The following ALDH7A1 variants were observed in gnomAD, a reference collection of about 807,000 sequenced individuals.
The protein encoded by ALDH7A1 is aldehyde dehydrogenase 7 family member A1.
ALDH7A1 carries 63 observed loss-of-function variants against 79.9 expected under a neutral mutation model. The observed-to-expected ratio is 0.79, with a 90% CI of 0.64 to 0.97. The LOEUF (loss-of-function observed/expected upper bound fraction) is 0.97, where lower values mean the gene tolerates loss of function less well. Ranked by LOEUF, ALDH7A1 falls within the 50% of genes least tolerant of loss-of-function variation. The pLI, the probability that ALDH7A1 is intolerant of heterozygous loss-of-function variation, is 0.00. For synonymous variants in ALDH7A1, 240 were observed against 231.2 expected, an observed-to-expected ratio of 1.04 and a Z score of -0.34; for missense variants, 627 against 665.2, an observed-to-expected ratio of 0.94 and a Z score of 0.63.
At position 126,570,899 on chromosome 5, in the gene ALDH7A1, G is replaced by T; in HGVS notation, c.696-40C>A. On this transcript the variant is annotated intron_variant, in intron 7 of 17. Coordinates refer to ENST00000409134, the MANE Select transcript of ALDH7A1 (RefSeq NM_001182.5). ...GCAATTACTGAGGCAATAATTTAAG[G>T]CATTTTTTTAAAAACAAGGAATAAA... is the stretch of plus-strand genomic sequence containing the variant. 1.9e-6 allele frequency: 3 copies of T among 1,591,612 alleles called. No homozygotes were observed. The East Asian group carries it at 6.7e-5, about 36-fold the overall frequency.
chr5:126,585,594 C>T (rs961083000), intron 3 of ALDH7A1, among the ~76,000 whole-genome samples: 1 of 152,180 alleles, frequency 6.6e-6, no homozygotes, highest in African/African-American at 2.4e-5. Flanking sequence ...GGGTCTCGCT[C>T]TGTCACGCCC....
chr5:126,565,349 C>T (rs1248153127), intron 9 of ALDH7A1, among the ~76,000 whole-genome samples: 2 of 143,188 alleles, frequency 1.4e-5, no homozygotes, highest in African/African-American at 5.1e-5. Flanking sequence ...GCCAGGATCT[C>T]CCCACTGCAC....
chr5:126,584,075 A>T (rs1017847935), intron 3 of ALDH7A1, 63 bp from the exon 4 acceptor site: 6 of 1,298,326 alleles, frequency 4.6e-6, no homozygotes, highest in Non-Finnish European at 6.7e-6. Context: ...ATAACACAGT[A>T]TTGGATGTGT....
rs1254578310 is a variant in ALDH7A1 at position 126,576,989 on chromosome 5, AT to A, written c.650+89del. 3.9e-6 allele frequency: 6 copies of A among 1,545,918 alleles called. No individual in the cohort carries two copies. The African/African-American group carries it at 6.8e-5, about 18-fold the overall frequency. On this transcript the variant is annotated intron_variant, in intron 6 of 17. Coordinates refer to ENST00000409134, the MANE Select transcript of ALDH7A1 (RefSeq NM_001182.5). ...CCAGGTGTGGTGATGCACACTTATAATCCCAGTTACTGAAGAGGCTGAGGTA... is the reference window on the plus strand; with the variant it reads ...CCAGGTGTGGTGATGCACACTTATAACCCAGTTACTGAAGAGGCTGAGGTA...
Position 126,595,055 on chromosome 5 carries a change from G to T in ALDH7A1, c.144C>A (p.Arg48=). 1 of 1,609,856 alleles carries T rather than the reference G, an allele frequency of 6.2e-7. No homozygotes were observed. Among genetic ancestry groups the T allele is most frequent in the Non-Finnish European group, 8.5e-7 (1 of 1,178,350 alleles). ...CATTATACACGCCCTCGTTTTCCTC[G>T]CGGAGCCCCAGCTCTTTCAGCCACG... The part of the protein sequence containing the change: ...QYAWLKELGL[R]EENEGVYNGS... The change falls in exon 1 of 18, where the codon CGC becomes CGA. Residue 48 remains arginine, a synonymous_variant. Transcript: ENST00000409134.
chr5:126,575,392 C>A, intron 7 of ALDH7A1, 28 bp downstream of exon 7: 1 of 1,607,150 alleles, frequency 6.2e-7, no homozygotes, highest in Non-Finnish European at 8.5e-7. Context: ...ATTCCATACC[C>A]AGGAAAAAGA....
At chr5:126,551,120 G>T (rs559713747) in intron 14 of ALDH7A1, among the ~76,000 whole-genome samples, 1 of 152,182 alleles carries the variant, frequency 6.6e-6, no homozygotes, top group East Asian at 1.9e-4. Context: ...TACAGACAAG[G>T]TCTCACTGTG....
chr5:126,548,502 C>G (rs1459590250), intron 16 of ALDH7A1, among the ~76,000 whole-genome samples: 1 of 151,526 alleles, frequency 6.6e-6, no homozygotes, highest in Non-Finnish European at 1.5e-5. Flanking sequence ...TCTTGGCTCA[C>G]TGCAACCTCT....
At position 126,544,847 on chromosome 5, in the gene ALDH7A1, T is replaced by C; in HGVS notation, c.*118A>G. 1.3e-6 allele frequency: 1 copy of C among 796,304 alleles called. No homozygotes were observed. Among genetic ancestry groups the C allele is most frequent in the East Asian group, 2.6e-5 (1 of 37,746 alleles). 49.3% of individuals were successfully genotyped at this position (796,304 alleles called of 1,614,324 possible). On this transcript the variant is annotated 3_prime_UTR_variant, in exon 18 of 18. Transcript: ENST00000409134. ...CAGGGCTTTGGGGTCATAGGGGGAT[T>C]AGTCACTGTCACAGTCATAATAATG...
At chr5:126,559,077 ACATCTGC>A (rs1750302672) in intron 11 of ALDH7A1, among the ~76,000 whole-genome samples, 156 bp downstream of exon 11, 1 of 152,244 alleles carries the variant, frequency 6.6e-6, no homozygotes, top group Non-Finnish European at 1.5e-5. Context: ...ATGATTAACA[ACATCTGC>A]CATGAGCACA....
intron 7 of ALDH7A1, among the ~76,000 whole-genome samples, chr5:126,574,127 G>A (rs1467972906): frequency 6.6e-6 from 1 of 152,026 alleles, no homozygotes; most frequent in African/African-American, 2.4e-5. Flanking sequence ...TTCTAGGCTG[G>A]GCACAGTGGC....
chr5:126,564,635 T>C (rs545566880), intron 9 of ALDH7A1: 1 of 1,136,814 alleles, frequency 8.8e-7, no homozygotes, highest in African/African-American at 1.6e-5. Flanking sequence ...TATGAAGACA[T>C]GGCTGTTACT....
At chr5:126,545,588 C>T in intron 17 of ALDH7A1, among the ~76,000 whole-genome samples, 1 of 143,762 alleles carries the variant, frequency 7.0e-6, no homozygotes, top group South Asian at 2.3e-4. Flanking sequence ...GAGTTCAAGA[C>T]CAGCCTGGCC....
At chr5:126,547,957 C>A (rs565495046) in intron 16 of ALDH7A1, among the ~76,000 whole-genome samples, 1 of 151,210 alleles carries the variant, frequency 6.6e-6, no homozygotes, top group East Asian at 1.9e-4. Flanking sequence ...GAGGTTGAGG[C>A]GGGAGAATTG....
At chr5:126,563,725 G>A (rs534545279) in intron 9 of ALDH7A1, among the ~76,000 whole-genome samples, 1 of 151,988 alleles carries the variant, frequency 6.6e-6, no homozygotes, top group African/African-American at 2.4e-5. Context: ...TCCTGACCTC[G>A]GGTGATCCGC....
rs749889093 is a variant in ALDH7A1 at position 126,552,066 on chromosome 5, T to C, written c.1272A>G (p.Ala424=). The change falls in exon 14 of 18, where the codon GCA becomes GCG. Residue 424 remains alanine (A), a synonymous_variant. Transcript: ENST00000409134. Reference sequence around the variant, plus strand: ...GAATCGGAGCAAAAGTCTCTGTGTGTGCAATGGACGCATCGTGGCCAAGAC... The same window carrying C: ...GAATCGGAGCAAAAGTCTCTGTGTGCGCAATGGACGCATCGTGGCCAAGAC... ...VTGLGHDASI[A]HTETFAPILY... 9 of 1,613,988 alleles carry C rather than the reference T, an allele frequency of 5.6e-6. No individual in the cohort carries two copies. In the African/African-American group the frequency reaches 1.1e-4, roughly 19 times the overall value.
At chr5:126,579,283 A>G (rs1355085033) in intron 5 of ALDH7A1, among the ~76,000 whole-genome samples, 3 of 152,110 alleles carry the variant, frequency 2.0e-5, no homozygotes, top group Non-Finnish European at 4.4e-5. Flanking sequence ...AACAACTTCC[A>G]GCACTCCACT....
At position 126,595,025 on chromosome 5, in the gene ALDH7A1, G is replaced by A. The variant is rs1271147909; in HGVS notation, c.174C>T (p.Ser58=). Residue 58 remains serine (S), a synonymous_variant, in exon 1 of 18, where the codon AGC becomes AGT. Coordinates refer to ENST00000409134, the MANE Select transcript of ALDH7A1 (RefSeq NM_001182.5). ...REENEGVYNG[S]WGGRGEVITT... Reference sequence around the variant, plus strand: ...CGCGTACCTCTCCCCGGCCTCCCCAGCTTCCATTATACACGCCCTCGTTTT... The same window carrying A: ...CGCGTACCTCTCCCCGGCCTCCCCAACTTCCATTATACACGCCCTCGTTTT... The A allele has an allele frequency of 6.2e-7, 1 of 1,606,764 alleles. No homozygotes were observed. Among genetic ancestry groups the A allele is most frequent in the Non-Finnish European group, 8.5e-7 (1 of 1,177,340 alleles).
At chr5:126,561,268 C>T in intron 9 of ALDH7A1, 144 bp from the exon 10 acceptor site, 1 of 538,580 alleles carries the variant, frequency 1.9e-6, no homozygotes, top group East Asian at 3.1e-5. Flanking sequence ...ATAGCCTATC[C>T]TGATTACACC....
Sources: allele counts gnomAD v4.1 joint callset (sites outside exome capture counted in the v4.1 genomes callset), GRCh38; gene constraint gnomAD v4.1.1; transcripts MANE v1.5; gene names NCBI Gene and HGNC (gene_info 2026-07-23, HGNC 2026-07-21).